Variants in URB2 observed in about 807,000 individuals in gnomAD.
URB2 encodes unhealthy ribosome biogenesis protein 2 homolog.
Under a neutral mutation model 120.9 loss-of-function variants are expected in URB2, and 86 were observed. That is an observed-to-expected ratio of 0.71 (90% CI 0.60 to 0.85). The LOEUF (loss-of-function observed/expected upper bound fraction) is 0.85, where lower values mean the gene tolerates loss of function less well. Ranked by LOEUF, URB2 falls within the 40% of genes least tolerant of loss-of-function variation. URB2 has a pLI of 0.00. For synonymous variants in URB2, 755 were observed against 758.4 expected, an observed-to-expected ratio of 1.00 and a Z score of 0.07; for missense variants, 1,765 against 1,836.5, an observed-to-expected ratio of 0.96 and a Z score of 0.71.
At chr1:229,634,207 AT>A (rs56934135) in intron 3 of URB2, among the ~76,000 whole-genome samples, 14,872 of 143,160 alleles carry the variant, frequency 0.1, 1,250 homozygotes, top group East Asian at 0.44. Flanking sequence ...ATAAACATGC[AT>A]TTTTTTTTCT....
intron 1 of URB2, among the ~76,000 whole-genome samples, chr1:229,626,861 G>C (rs538010648): frequency 1.3e-5 from 2 of 152,350 alleles, no homozygotes; most frequent in Admixed American, 6.5e-5. Flanking sequence ...TAGGAAAACT[G>C]ACAGCACTTG....
intron 2 of URB2, among the ~76,000 whole-genome samples, chr1:229,631,661 G>A (rs530894369): frequency 1.8e-4 from 28 of 152,302 alleles, no homozygotes; most frequent in African/African-American, 6.7e-4. Flanking sequence ...CAGGGTAATA[G>A]CATTTTGGTG....
At chr1:229,649,185 T>C (rs1666215672) in intron 7 of URB2, among the ~76,000 whole-genome samples, 1 of 152,230 alleles carries the variant, frequency 6.6e-6, no homozygotes, top group South Asian at 2.1e-4. Context: ...AGTGTTTTGA[T>C]GTCCTAAGGA....
intron 3 of URB2, among the ~76,000 whole-genome samples, chr1:229,634,645 A>T (rs138875653): frequency 6.6e-6 from 1 of 152,304 alleles, no homozygotes; most frequent in African/African-American, 2.4e-5. Context: ...CCCAGCTTTA[A>T]AAAAAGGGAC....
chr1:229,639,483 C>T (rs901497837), intron 4 of URB2, among the ~76,000 whole-genome samples: 18 of 151,894 alleles, frequency 1.2e-4, no homozygotes, highest in Non-Finnish European at 2.4e-4. Flanking sequence ...TACTGGCACC[C>T]GCCACCACGC....
At chr1:229,653,881 A>T (rs533846262) in intron 8 of URB2, among the ~76,000 whole-genome samples, 1 of 151,166 alleles carries the variant, frequency 6.6e-6, no homozygotes, top group Non-Finnish European at 1.5e-5. Flanking sequence ...TTCTCCACTT[A>T]AGATAATTTT....
At position 229,651,312 on chromosome 1, in the gene URB2, G is replaced by A. The variant is rs753411209; in HGVS notation, c.4227G>A (p.Gln1409=). ...LVFSVMREGR[Q]KDKGSIDDLP... Reference sequence around the variant, plus strand: ...TTTCAGTTATGCGGGAAGGGCGGCAGAAGGACAAAGGTAATTTGGAGTAAC... The same window carrying A: ...TTTCAGTTATGCGGGAAGGGCGGCAAAAGGACAAAGGTAATTTGGAGTAAC... The change falls in exon 8 of 10, where the codon CAG becomes CAA. Residue 1409 remains glutamine, a synonymous_variant. Transcript: ENST00000258243. The A allele has an allele frequency of 6.2e-7, 1 of 1,611,888 alleles. No homozygotes were observed. The highest frequency in any genetic ancestry group is 8.5e-7 in the Non-Finnish European group (1 of 1,178,994).
chr1:229,632,391 G>T lies in URB2; in HGVS notation c.249G>T (p.Leu83Phe). 2 of 1,583,922 alleles carry T rather than the reference G, an allele frequency of 1.3e-6. No individual in the cohort carries two copies. Among genetic ancestry groups the T allele is most frequent in the Non-Finnish European group, 1.7e-6 (2 of 1,170,054 alleles). The part of the protein sequence containing the change: ...YIDNILHSRK[L>F]QNLLKNGKTI... The stretch of plus-strand genomic sequence containing the variant: ...ATAACATTTTACATAGCAGAAAATT[G>T]CAGAATCTCCTCAAGAATGGAAAGA... Residue 83 changes from leucine (L) to phenylalanine (F), a missense_variant, in exon 3 of 10, where the codon TTG (leucine) becomes TTT (phenylalanine). Coordinates refer to ENST00000258243, the MANE Select transcript of URB2 (RefSeq NM_014777.4).
At chr1:229,643,922 T>C (rs1435086324) in intron 5 of URB2, among the ~76,000 whole-genome samples, 1 of 152,236 alleles carries the variant, frequency 6.6e-6, no homozygotes. Context: ...ATAACAAATG[T>C]GTTGTCTTAT....
intron 9 of URB2, 88 bp from the exon 10 acceptor site, chr1:229,659,012 G>A (rs1253448222): frequency 9.0e-6 from 12 of 1,326,622 alleles, no homozygotes; most frequent in African/African-American, 1.5e-5. Flanking sequence ...GAAATTACTT[G>A]TTAGTGCTTC....
Position 229,638,070 on chromosome 1 carries a change from C to T in URB2, c.3457C>T (p.Leu1153Phe). ...CAGGACGCTGCTCTCCCATGTTGCC[C>T]TCTACCAGGGTGTTTACTCTCAGAT... Reference protein sequence around the residue: ...SDRTLLSHVALYQGVYSQILL... With the variant: ...SDRTLLSHVAFYQGVYSQILL... The change falls in exon 4 of 10, where the codon CTC becomes TTC. Residue 1153 changes from leucine to phenylalanine, a missense_variant. Physicochemically the swap from Leu to Phe is conservative, Grantham distance 22 (BLOSUM62 0). Transcript: ENST00000258243. The T allele has an allele frequency of 1.2e-6, 2 of 1,614,138 alleles. No individual in the cohort carries two copies. The highest frequency in any genetic ancestry group is 1.3e-5 in the African/African-American group (1 of 75,068).
chr1:229,636,722 T>G lies in URB2; in HGVS notation c.2109T>G (p.Asp703Glu). The change falls in exon 4 of 10, where the codon GAT becomes GAG. Residue 703 changes from aspartate (D) to glutamate (E), a missense_variant. Transcript: ENST00000258243. ...GAGCCATCCAAAGTTTGAGGTGCGA[T>G]GCTGCCTTTATTATTGGTTCCGGCA... ...SEGAIQSLRC[D>E]AAFIIGSGRK... 6.2e-7 allele frequency: 1 copy of G among 1,613,416 alleles called. No homozygotes were observed.
At chr1:229,632,223 C>T (rs772170065) in intron 2 of URB2, 46 bp from the exon 3 acceptor site, 45 of 1,460,450 alleles carry the variant, frequency 3.1e-5, no homozygotes, top group Non-Finnish European at 4.0e-5. Context: ...ACATCTTTCT[C>T]TCAGCAAATA....
At chr1:229,628,241 T>C (rs536289370) in intron 2 of URB2, among the ~76,000 whole-genome samples, 211 of 144,948 alleles carry the variant, frequency 1.5e-3, no homozygotes, top group African/African-American at 4.5e-3. Flanking sequence ...GTATATATAT[T>C]ATACATATAC....
intron 8 of URB2, among the ~76,000 whole-genome samples, chr1:229,653,374 C>T (rs200561960): frequency 1.3e-5 from 2 of 152,080 alleles, no homozygotes; most frequent in Non-Finnish European, 2.9e-5. Flanking sequence ...TATATGAAGC[C>T]GTCCCCACAA....
chr1:229,628,877 C>T (rs1010569355), intron 2 of URB2, among the ~76,000 whole-genome samples: 1 of 152,166 alleles, frequency 6.6e-6, no homozygotes. Flanking sequence ...ATATGTAAAG[C>T]GATGATGACG....
chr1:229,645,735 C>G, intron 5 of URB2, 124 bp from the exon 6 acceptor site: 2 of 818,514 alleles, frequency 2.4e-6, no homozygotes, highest in Non-Finnish European at 2.1e-6. Flanking sequence ...TCCACCTCCC[C>G]TGACACCAGG....
intron 4 of URB2, 78 bp from the exon 5 acceptor site, chr1:229,643,455 C>A: frequency 6.5e-7 from 1 of 1,543,624 alleles, no homozygotes; most frequent in Non-Finnish European, 8.9e-7. Flanking sequence ...CACAGCTGTG[C>A]GCAGTTTCAT....
intron 4 of URB2, among the ~76,000 whole-genome samples, chr1:229,641,618 A>G (rs1666013685): frequency 6.6e-6 from 1 of 152,304 alleles, no homozygotes; most frequent in East Asian, 1.9e-4. Flanking sequence ...TGCCCCAGCC[A>G]TGGAGTTCTC....
Sources: allele counts gnomAD v4.1 joint callset (sites outside exome capture counted in the v4.1 genomes callset), GRCh38; gene constraint gnomAD v4.1.1; transcripts MANE v1.5; gene names NCBI Gene and HGNC (gene_info 2026-07-23, HGNC 2026-07-21).